The following STAU2 variants were observed in gnomAD, a reference collection of about 807,000 sequenced individuals.
STAU2 encodes double-stranded RNA-binding protein Staufen homolog 2.
A neutral mutation model predicts 65.9 loss-of-function variants in STAU2; 20 were observed. That is an observed-to-expected ratio of 0.30 (90% CI 0.21 to 0.44). The LOEUF is 0.44. Ranked by LOEUF, STAU2 falls within the 20% of genes least tolerant of loss-of-function variation. STAU2 has a pLI of 1.00. For missense variants in STAU2, 558 were observed against 683.9 expected (o/e 0.82, Z 2.05); for synonymous variants, 232 against 233.9 (o/e 0.99, Z 0.07).
rs534850664 is a variant in STAU2 at position 73,608,989 on chromosome 8, G to A, written c.891+4755C>T. 1.8e-3 allele frequency among the ~76,000 whole-genome samples: 276 copies of A among 152,106 alleles called. 2 individuals are homozygous for A. The highest frequency in any genetic ancestry group is 6.0e-3 in the African/African-American group (248 of 41,498). On this transcript the variant is annotated intron_variant, in intron 9 of 14. Coordinates refer to ENST00000524300, the MANE Select transcript of STAU2 (RefSeq NM_001164380.2). The stretch of plus-strand genomic sequence containing the variant: ...GCAAAACTCCATCTTCAAAAAAAAA[G>A]AGAAGTTAAAAATGACCCCCAGCAG...
chr8:73,702,101 G>A (rs1820152402), intron 4 of STAU2, among the ~76,000 whole-genome samples: 1 of 152,048 alleles, frequency 6.6e-6, no homozygotes, highest in African/African-American at 2.4e-5. Flanking sequence ...GAAGGTTGAG[G>A]GGATGGGAAG....
intron 1 of STAU2, among the ~76,000 whole-genome samples, chr8:73,741,304 C>CAAAAAAAAAAAAAAAAA (rs761906073): frequency 2.7e-5 from 3 of 112,094 alleles, no homozygotes; most frequent in Non-Finnish European, 3.5e-5. Flanking sequence ...GACTCCGTCT[C>CAAAAAAAAAAAAAAAAA]AAAAAAAAAA....
At chr8:73,739,930 T>C (rs189365510) in intron 1 of STAU2, 62 bp from the exon 2 acceptor site, 1 of 716,370 alleles carries the variant, frequency 1.4e-6, no homozygotes, top group East Asian at 2.7e-5. Flanking sequence ...TTATAAAAAT[T>C]CTTAGGTGTC....
intron 13 of STAU2, among the ~76,000 whole-genome samples, chr8:73,509,121 C>T (rs962393300): frequency 5.3e-5 from 8 of 152,218 alleles, no homozygotes; most frequent in Admixed American, 4.6e-4. Flanking sequence ...AATCTACAAG[C>T]TTCCTATATA....
chr8:73,582,470 T>G (rs2128962481), intron 12 of STAU2, among the ~76,000 whole-genome samples: 1 of 150,852 alleles, frequency 6.6e-6, no homozygotes, highest in African/African-American at 2.4e-5. Flanking sequence ...ATTTTTTATA[T>G]TTTTATATTT....
chr8:73,680,050 A>T (rs57990472), intron 5 of STAU2, among the ~76,000 whole-genome samples: 1 of 121,376 alleles, frequency 8.2e-6, no homozygotes, highest in African/African-American at 3.2e-5. Flanking sequence ...CAGTGGAACT[A>T]GGGAAGTACC....
rs569600255 is a variant in STAU2 at position 73,484,220 on chromosome 8, C to A, written c.1531-61518G>T. Among the ~76,000 whole-genome samples, 70 of 152,154 alleles carry A rather than the reference C, an allele frequency of 4.6e-4. 1 individual carries two copies. Among genetic ancestry groups the A allele is most frequent in the African/African-American group, 1.7e-3 (69 of 41,536 alleles). ...CCAACATAATGATATGATATAAAAA[C>A]AATGTCAAAAATTTGATATTTATGA... On this transcript the variant is annotated intron_variant, in intron 13 of 14. Coordinates refer to ENST00000524300, the MANE Select transcript of STAU2 (RefSeq NM_001164380.2).
At chr8:73,544,409 A>G (rs894753366) in intron 13 of STAU2, among the ~76,000 whole-genome samples, 1 of 152,194 alleles carries the variant, frequency 6.6e-6, no homozygotes, top group Non-Finnish European at 1.5e-5. Context: ...CATCTCTTTT[A>G]AAGATAAGTC....
chr8:73,423,325 G>T (rs938121710), intron 13 of STAU2, among the ~76,000 whole-genome samples: 9 of 152,236 alleles, frequency 5.9e-5, no homozygotes, highest in African/African-American at 1.9e-4. Flanking sequence ...GTGGGAAGCC[G>T]CAGGGTGTGA....
At chr8:73,576,543 T>G (rs1440883906) in intron 12 of STAU2, among the ~76,000 whole-genome samples, 2 of 151,990 alleles carry the variant, frequency 1.3e-5, no homozygotes, top group Non-Finnish European at 2.9e-5. Flanking sequence ...GCATAGCCAA[T>G]GGGGGATATG....
chr8:73,666,408 C>T (rs1385968422), intron 6 of STAU2, among the ~76,000 whole-genome samples: 1 of 152,192 alleles, frequency 6.6e-6, no homozygotes, highest in East Asian at 1.9e-4. Context: ...CAAATTTCCA[C>T]TGATAGCCAT....
At chr8:73,497,856 GAATT>G (rs1821510288) in intron 13 of STAU2, among the ~76,000 whole-genome samples, 1 of 151,640 alleles carries the variant, frequency 6.6e-6, no homozygotes, top group Non-Finnish European at 1.5e-5. Flanking sequence ...TACCATAACA[GAATT>G]ATTTCTTAAA....
intron 8 of STAU2, among the ~76,000 whole-genome samples, chr8:73,614,586 T>C (rs1812698658): frequency 6.6e-6 from 1 of 152,220 alleles, no homozygotes; most frequent in Non-Finnish European, 1.5e-5. Context: ...ACTATGAATG[T>C]AATGTTCCTA....
At chr8:73,583,281 G>A (rs1304460509) in intron 11 of STAU2, among the ~76,000 whole-genome samples, 1 of 151,808 alleles carries the variant, frequency 6.6e-6, no homozygotes, top group South Asian at 2.1e-4. Flanking sequence ...GAGTAGCTGG[G>A]ATTAGAAGTG....
At position 73,595,171 on chromosome 8, in the gene STAU2, C is replaced by G. The variant is rs2129635060; in HGVS notation, c.1156G>C (p.Glu386Gln). Residue 386 changes from glutamate (E) to glutamine (Q), a missense_variant, in exon 11 of 15, where the codon GAG becomes CAG. By Grantham distance (29) the Glu-to-Gln change is conservative. This residue lies in a region of STAU2 where 247 missense variants were observed against 270.1 expected (regional missense o/e 0.91). Transcript: ENST00000524300. ...CATGTAAACTTAACTCTTACCTTCT[C>G]AAGTTGATCCTGAAGATTAGTGGAT... ...KASTNLQDQL[E>Q]KTGENKGWSG... 1 of 1,602,230 alleles carries G rather than the reference C, an allele frequency of 6.2e-7. No homozygotes were observed.
intron 12 of STAU2, chr8:73,561,633 T>C (rs1043742742): frequency 9.2e-6 from 4 of 434,976 alleles, no homozygotes; most frequent in African/African-American, 8.1e-5. Flanking sequence ...CATACTGAAA[T>C]GTCTACCGCA....
chr8:73,594,055 T>C (rs1811009620), intron 11 of STAU2, among the ~76,000 whole-genome samples: 1 of 152,214 alleles, frequency 6.6e-6, no homozygotes. Flanking sequence ...GGAGATTTAT[T>C]TTGACATATT....
chr8:73,664,552 T>C (rs1817090241), intron 6 of STAU2, among the ~76,000 whole-genome samples: 1 of 152,250 alleles, frequency 6.6e-6, no homozygotes, highest in South Asian at 2.1e-4. Context: ...GAGATACTGA[T>C]ATGGTTGTTC....
At chr8:73,688,561 T>C in intron 5 of STAU2, 93 bp downstream of exon 5, 1 of 1,333,552 alleles carries the variant, frequency 7.5e-7, no homozygotes, top group East Asian at 2.3e-5. Flanking sequence ...CTATTAATAC[T>C]TGCTCACTCT....
Sources: allele counts gnomAD v4.1 joint callset (sites outside exome capture counted in the v4.1 genomes callset), GRCh38; gene constraint gnomAD v4.1.1; regional missense constraint gnomAD v4.1.1; transcripts MANE v1.5; gene names NCBI Gene and HGNC (gene_info 2026-07-23, HGNC 2026-07-21).